The following PITPNM2 variants were observed in gnomAD, a reference collection of about 807,000 sequenced individuals.
PITPNM2 encodes the protein phosphatidylinositol transfer protein membrane associated 2.
PITPNM2 carries 35 observed loss-of-function variants against 132.2 expected under a neutral mutation model. The observed-to-expected ratio is 0.26, with a 90% CI of 0.20 to 0.35. The LOEUF is 0.35. Ranked by LOEUF, PITPNM2 falls within the 10% of genes least tolerant of loss-of-function variation. The pLI is 1.00. For synonymous variants in PITPNM2, 738 were observed against 799.2 expected, an observed-to-expected ratio of 0.92 and a Z score of 1.29; for missense variants, 1,332 against 1,912.0, an observed-to-expected ratio of 0.70 and a Z score of 5.66.
chr12:123,009,720 C>T lies in PITPNM2; in HGVS notation c.643+130G>A. On this transcript the variant is annotated intron_variant, in intron 6 of 25. Transcript: ENST00000320201. This position sits in a 1 kb window ranked among gnomAD's most constrained non-coding sequence, Gnocchi z 4.8. ...AAGCTGGACATGGGCTTTGGTGTCA[C>T]CTTCCCAGAACAAAACAGAAACGCA... 2 of 885,774 alleles carry T rather than the reference C, an allele frequency of 2.3e-6. No individual in the cohort carries two copies. The highest frequency in any genetic ancestry group is 2.1e-5 in the Admixed American group (1 of 48,428). 54.9% of individuals were successfully genotyped at this position (885,774 alleles called of 1,614,324 possible).
rs1221851701 is a variant in PITPNM2, at chr12:123,064,058, T to C, written c.-95-29373A>G. Among the ~76,000 whole-genome samples, 1 of 152,144 alleles carries C rather than the reference T, an allele frequency of 6.6e-6. No homozygotes were observed. Among genetic ancestry groups the C allele is most frequent in the East Asian group, 1.9e-4 (1 of 5,198 alleles). ...TGATGGTGATGCTGGGGATCAGCCCTGCTAAAGAACTGTGTCCCCACACTC... is the reference window on the plus strand; with the variant it reads ...TGATGGTGATGCTGGGGATCAGCCCCGCTAAAGAACTGTGTCCCCACACTC... On this transcript the variant is annotated intron_variant, in intron 2 of 25. Transcript: ENST00000320201. This position sits in a 1 kb window ranked among gnomAD's most constrained non-coding sequence, Gnocchi z 4.0.
intron 2 of PITPNM2, chr12:123,092,111 C>T (rs1249386164): frequency 1.3e-5 from 2 of 152,244 alleles, no homozygotes; most frequent in Non-Finnish European, 2.9e-5. Context: ...TGCACCTACA[C>T]ACTGGAGTGG....
chr12:123,036,611 A>G lies in PITPNM2; in HGVS notation c.-95-1926T>C, dbSNP rs940808290. The stretch of plus-strand genomic sequence containing the variant: ...GCCGATTAGAGCCTAGATACTTTAT[A>G]TACCCCAGAAACTGCACCCAACATC... On this transcript the variant is annotated intron_variant, in intron 2 of 25. Coordinates refer to ENST00000320201, the MANE Select transcript of PITPNM2 (RefSeq NM_020845.3). The surrounding 1 kb of genome is among the most constrained non-coding windows in gnomAD (Gnocchi z 4.1). Among the ~76,000 whole-genome samples, 1 of 152,224 alleles carries G rather than the reference A, an allele frequency of 6.6e-6. No individual in the cohort carries two copies. Among genetic ancestry groups the G allele is most frequent in the Non-Finnish European group, 1.5e-5 (1 of 68,044 alleles).
At chr12:123,069,781 G>A (rs2041568334) in intron 2 of PITPNM2, among the ~76,000 whole-genome samples, 1 of 152,180 alleles carries the variant, frequency 6.6e-6, no homozygotes, top group African/African-American at 2.4e-5. Context: ...ATAAAGGTAG[G>A]TACCCAGCAA....
At chr12:123,149,398 A>G (rs1204470218) in intron 1 of PITPNM2, among the ~76,000 whole-genome samples, 1 of 152,214 alleles carries the variant, frequency 6.6e-6, no homozygotes, top group Non-Finnish European at 1.5e-5. Context: ...TTCTCTCTGC[A>G]GTGGGAGAGG....
At position 123,004,746 on chromosome 12, in the gene PITPNM2, C is replaced by G; in HGVS notation, c.953-257G>C. The G allele has an allele frequency of 1.7e-6, 1 of 597,276 alleles. No individual in the cohort carries two copies. The highest frequency in any genetic ancestry group is 4.4e-4 in the Middle Eastern group (1 of 2,256). 37.0% of individuals were successfully genotyped at this position (597,276 alleles called of 1,614,324 possible). A position where few individuals can be genotyped will look rare whatever the true frequency, so the allele number is the denominator to read the frequency against. Reference sequence around the variant, plus strand: ...TGGGGAAGAGCATGACAGACATAAGCCCAGGACGTGGGGTAAGACAGGCCT... The same window carrying G: ...TGGGGAAGAGCATGACAGACATAAGGCCAGGACGTGGGGTAAGACAGGCCT... On this transcript the variant is annotated intron_variant, in intron 7 of 25. Coordinates refer to ENST00000320201, the MANE Select transcript of PITPNM2 (RefSeq NM_020845.3). This position sits in a 1 kb window ranked among gnomAD's most constrained non-coding sequence, Gnocchi z 4.9.
At chr12:123,061,998 A>C (rs2136781546) in intron 2 of PITPNM2, among the ~76,000 whole-genome samples, 1 of 152,066 alleles carries the variant, frequency 6.6e-6, no homozygotes, top group Non-Finnish European at 1.5e-5. Flanking sequence ...GTAGGCGGTA[A>C]GTTCCTAGGG....
chr12:123,088,992 T>C (rs986018757), intron 2 of PITPNM2: 1 of 152,214 alleles, frequency 6.6e-6, no homozygotes, highest in African/African-American at 2.4e-5. Flanking sequence ...CAGTGAGCAC[T>C]GCATAAATGT....
intron 2 of PITPNM2, among the ~76,000 whole-genome samples, chr12:123,073,896 G>A (rs796828063): frequency 1.1e-4 from 17 of 152,310 alleles, no homozygotes; most frequent in African/African-American, 4.1e-4. Context: ...CAACTAAGGT[G>A]GGTGGCCGTG....
At position 123,150,558 on chromosome 12, in the gene PITPNM2, G is replaced by A. The variant is rs1164437127; in HGVS notation, c.-200+195C>T. On this transcript the variant is annotated intron_variant, in intron 1 of 25. Transcript: ENST00000320201. This position sits in a 1 kb window ranked among gnomAD's most constrained non-coding sequence, Gnocchi z 6.0. ...AGGCTCGGGCGGTCTCCCGAGCGGG[G>A]CTCCCGTACGCCACACCCTCCTCCC... Among the ~76,000 whole-genome samples the A allele has an allele frequency of 6.6e-6, 1 of 151,462 alleles. No individual in the cohort carries two copies. Among genetic ancestry groups the A allele is most frequent in the Non-Finnish European group, 1.5e-5 (1 of 67,820 alleles).
intron 2 of PITPNM2, among the ~76,000 whole-genome samples, chr12:123,067,381 A>G (rs1282808554): frequency 1.3e-5 from 2 of 151,912 alleles, no homozygotes; most frequent in Non-Finnish European, 2.9e-5. Flanking sequence ...GCTTGAACCC[A>G]GGAGGCAGAG....
intron 2 of PITPNM2, among the ~76,000 whole-genome samples, chr12:123,043,776 G>C (rs981029990): frequency 3.9e-5 from 6 of 152,208 alleles, no homozygotes; most frequent in Admixed American, 6.5e-5. Context: ...GCTCCGAGAG[G>C]GCGCATCCTG....
In PITPNM2 at chr12:123,112,780, C is replaced by T. The variant is rs190321651; in HGVS notation, c.-199-2292G>A. 1.9e-4 allele frequency among the ~76,000 whole-genome samples: 29 copies of T among 152,194 alleles called. No individual in the cohort carries two copies. The South Asian group carries it at 3.9e-3, about 21-fold the overall frequency. ...GTCTTTATCTCCTGACCTCGTGATC[C>T]GCCCACCTCAGCCTCCCAAAGTGCA... On this transcript the variant is annotated intron_variant, in intron 1 of 25. Transcript: ENST00000320201.
rs1034869415 is a variant in PITPNM2, at chr12:123,095,608, C to T, written c.-96+14777G>A. ...CACTTCTCTGAGTAAAGGCCCTCAACGCTCCCCTTGGGTTTCAAGGCGACA... is the reference window on the plus strand; with the variant it reads ...CACTTCTCTGAGTAAAGGCCCTCAATGCTCCCCTTGGGTTTCAAGGCGACA... On this transcript the variant is annotated intron_variant, in intron 2 of 25. Coordinates refer to ENST00000320201, the MANE Select transcript of PITPNM2 (RefSeq NM_020845.3). The surrounding 1 kb of genome is among the most constrained non-coding windows in gnomAD (Gnocchi z 5.0). 3.3e-5 allele frequency among the ~76,000 whole-genome samples: 5 copies of T among 152,128 alleles called. No individual in the cohort carries two copies. The highest frequency in any genetic ancestry group is 2.1e-4 in the South Asian group (1 of 4,830).
At position 123,034,495 on chromosome 12, in the gene PITPNM2, C is replaced by G; in HGVS notation, c.78+18G>C. The G allele has an allele frequency of 6.2e-7, 1 of 1,613,108 alleles. No individual in the cohort carries two copies. Among genetic ancestry groups the G allele is most frequent in the Non-Finnish European group, 8.5e-7 (1 of 1,179,450 alleles). ...GACCCACCCTCACCCCATGACCCAC[C>G]CTTGCCCCACGACCCACCTGTATCA... is the stretch of plus-strand genomic sequence containing the variant. On this transcript the variant is annotated intron_variant, in intron 3 of 25. Transcript: ENST00000320201.
rs181341122 is a variant in PITPNM2 at position 123,018,865 on chromosome 12, C to T, written c.79-4823G>A. 3.7e-4 allele frequency among the ~76,000 whole-genome samples: 55 copies of T among 146,870 alleles called. 1 individual carries two copies. The highest frequency in any genetic ancestry group is 1.3e-3 in the African/African-American group (51 of 38,818). On this transcript the variant is annotated intron_variant, in intron 3 of 25. Coordinates refer to ENST00000320201, the MANE Select transcript of PITPNM2 (RefSeq NM_020845.3). ...GTGGCGAGATCTCAGCTCACTGCAA[C>T]CTCTGCCTCCCAGGCTCAAGTGATT... is the stretch of plus-strand genomic sequence containing the variant.
chr12:123,066,612 C>G (rs1338339197), intron 2 of PITPNM2, among the ~76,000 whole-genome samples: 1 of 152,144 alleles, frequency 6.6e-6, no homozygotes, highest in Admixed American at 6.5e-5. Flanking sequence ...GGGGCTTAAC[C>G]ACCCCCTGGG....
chr12:123,054,476 T>C (rs1312871969), intron 2 of PITPNM2, among the ~76,000 whole-genome samples: 1 of 152,208 alleles, frequency 6.6e-6, no homozygotes, highest in Non-Finnish European at 1.5e-5. Context: ...TTTTTAAACT[T>C]GGGGTCAAAG....
intron 3 of PITPNM2, among the ~76,000 whole-genome samples, chr12:123,032,370 C>A (rs1630820): frequency 1.3e-5 from 2 of 151,974 alleles, no homozygotes; most frequent in Non-Finnish European, 2.9e-5. Flanking sequence ...CCAGCTACTC[C>A]GGAGGCTGAG....
Sources: gnomAD v4.1 joint callset for allele counts (sites outside exome capture counted in the v4.1 genomes callset) on GRCh38, gnomAD v4.1.1 for gene constraint, Gnocchi (gnomAD v3.1) non-coding constraint, MANE v1.5 for transcripts, NCBI Gene and HGNC (gene_info 2026-07-23, HGNC 2026-07-21) for gene names.